The following LMOD1 variants were observed in gnomAD, a reference collection of about 807,000 sequenced individuals.
The protein encoded by LMOD1 is leiomodin 1, also known as leiomodin-1.
LMOD1 carries 8 observed loss-of-function variants against 36.5 expected under a neutral mutation model. The observed-to-expected ratio is 0.22, with a 90% CI of 0.13 to 0.40. The LOEUF (loss-of-function observed/expected upper bound fraction) is 0.40. Among genes scored for constraint, LMOD1 ranks in the 10% least tolerant of loss-of-function variants. LMOD1 has a pLI of 1.00. For missense variants in LMOD1, 630 were observed against 751.1 expected, an observed-to-expected ratio of 0.84 and a Z score of 1.88; for synonymous variants, 284 against 288.7, an observed-to-expected ratio of 0.98 and a Z score of 0.17.
chr1:201,901,511 A>AATATATATATATATATATATGTATATAT (rs1553295627), intron 1 of LMOD1, among the ~76,000 whole-genome samples: 13 of 75,200 alleles, frequency 1.7e-4, no homozygotes, highest in South Asian at 4.1e-4. Context: ...TCAAAAAAAA[A>AATATATATATATATATATATGTATATAT]ATATATATAT....
At chr1:201,911,471 C>G (rs1001769278) in intron 1 of LMOD1, among the ~76,000 whole-genome samples, 3 of 152,116 alleles carry the variant, frequency 2.0e-5, no homozygotes, top group Admixed American at 6.6e-5. Context: ...TTGAGACCAG[C>G]CTGGCCAACA....
chr1:201,934,318 C>A (rs1681979078), intron 1 of LMOD1, among the ~76,000 whole-genome samples: 1 of 152,290 alleles, frequency 6.6e-6, no homozygotes, highest in East Asian at 1.9e-4. Context: ...CCTTCCAGAG[C>A]AGCACATTGC....
intron 1 of LMOD1, among the ~76,000 whole-genome samples, chr1:201,927,948 C>T (rs1681857139): frequency 6.6e-6 from 1 of 152,086 alleles, no homozygotes; most frequent in African/African-American, 2.4e-5. Flanking sequence ...GAGCTGGGGC[C>T]TAATGGAAAG....
intron 1 of LMOD1, among the ~76,000 whole-genome samples, chr1:201,913,292 C>G (rs1452608980): frequency 6.6e-6 from 1 of 152,182 alleles, no homozygotes; most frequent in Non-Finnish European, 1.5e-5. Context: ...AGTGGCTTTT[C>G]CTTGGATCAC....
At chr1:201,925,169 G>T (rs1681806189) in intron 1 of LMOD1, among the ~76,000 whole-genome samples, 1 of 151,402 alleles carries the variant, frequency 6.6e-6, no homozygotes, top group African/African-American at 2.4e-5. Flanking sequence ...CTGAGATTGT[G>T]CCACTGTACT....
intron 1 of LMOD1, among the ~76,000 whole-genome samples, chr1:201,922,721 TTATATATAA>T (rs1681726503): frequency 6.7e-6 from 1 of 149,812 alleles, no homozygotes; most frequent in Non-Finnish European, 1.5e-5. Context: ...TATAATATTG[TTATATATAA>T]TATAATATAT....
chr1:201,937,174 G>A (rs1437552012), intron 1 of LMOD1, among the ~76,000 whole-genome samples: 1 of 152,236 alleles, frequency 6.6e-6, no homozygotes, highest in East Asian at 1.9e-4. Flanking sequence ...TTGGCCAGGT[G>A]TGGTGGCTCA....
At chr1:201,909,828 T>G (rs561855656) in intron 1 of LMOD1, among the ~76,000 whole-genome samples, 3 of 152,318 alleles carry the variant, frequency 2.0e-5, no homozygotes, top group African/African-American at 7.2e-5. Context: ...AAGCCCAAGA[T>G]TATGCAGCTA....
At chr1:201,926,540 C>T (rs1243831953) in intron 1 of LMOD1, among the ~76,000 whole-genome samples, 2 of 152,084 alleles carry the variant, frequency 1.3e-5, no homozygotes, top group African/African-American at 4.8e-5. Context: ...ATACAATAGA[C>T]TATGATGACA....
chr1:201,931,765 G>A (rs529982577), intron 1 of LMOD1, among the ~76,000 whole-genome samples: 4 of 152,054 alleles, frequency 2.6e-5, no homozygotes, highest in South Asian at 4.2e-4. Context: ...GGCTGGGCAC[G>A]GTGGGACATG....
chr1:201,918,162 G>A (rs1681640779), intron 1 of LMOD1, among the ~76,000 whole-genome samples: 1 of 152,310 alleles, frequency 6.6e-6, no homozygotes, highest in South Asian at 2.1e-4. Context: ...CTTCAGGAAT[G>A]GCTCTCCCAC....
intron 1 of LMOD1, among the ~76,000 whole-genome samples, chr1:201,945,539 C>T (rs1163233218): frequency 6.6e-6 from 1 of 152,224 alleles, no homozygotes; most frequent in Non-Finnish European, 1.5e-5. Flanking sequence ...GACTCCTGGT[C>T]CCTGTCTCCC....
chr1:201,914,557 C>T (rs568148381), intron 1 of LMOD1, among the ~76,000 whole-genome samples: 7 of 152,128 alleles, frequency 4.6e-5, no homozygotes, highest in Admixed American at 2.6e-4. Flanking sequence ...AGCATCTATC[C>T]GAATTCTTCT....
intron 1 of LMOD1, among the ~76,000 whole-genome samples, chr1:201,934,174 C>T (rs1206446968): frequency 6.6e-6 from 1 of 152,194 alleles, no homozygotes; most frequent in Admixed American, 6.5e-5. Context: ...TCCGGAAGTA[C>T]TTTCATGTTT....
chr1:201,923,172 G>A (rs577847894), intron 1 of LMOD1, among the ~76,000 whole-genome samples: 3 of 152,192 alleles, frequency 2.0e-5, no homozygotes, highest in Admixed American at 6.5e-5. Flanking sequence ...AGAGGGCAGC[G>A]CTGGAGCATG....
At chr1:201,923,949 GAAA>G (rs1681753258) in intron 1 of LMOD1, among the ~76,000 whole-genome samples, 1 of 142,204 alleles carries the variant, frequency 7.0e-6, no homozygotes, top group South Asian at 2.2e-4. Context: ...GAAAAGGAAA[GAAA>G]GGAAAGAAAA....
intron 1 of LMOD1, among the ~76,000 whole-genome samples, chr1:201,920,491 A>C (rs1474020108): frequency 6.6e-6 from 1 of 152,190 alleles, no homozygotes; most frequent in Admixed American, 6.5e-5. Flanking sequence ...TCCTATGCCA[A>C]GGCCACAGAG....
chr1:201,931,056 T>C (rs1014244238), intron 1 of LMOD1, among the ~76,000 whole-genome samples: 2 of 152,084 alleles, frequency 1.3e-5, no homozygotes, highest in Admixed American at 1.3e-4. Flanking sequence ...TCCTACAGCT[T>C]AGCTAAGACG....
intron 1 of LMOD1, among the ~76,000 whole-genome samples, chr1:201,941,621 G>A (rs968686510): frequency 2.6e-5 from 4 of 152,232 alleles, no homozygotes; most frequent in Non-Finnish European, 4.4e-5. Context: ...TTAGGCCGCC[G>A]GCCTCGGGCC....
Sources: gnomAD v4.1 joint callset for allele counts (sites outside exome capture counted in the v4.1 genomes callset) on GRCh38, gnomAD v4.1.1 for gene constraint, MANE v1.5 for transcripts, NCBI Gene and HGNC (gene_info 2026-07-23, HGNC 2026-07-21) for gene names.